Variants in B3GALT2 observed in about 807,000 individuals in gnomAD.
B3GALT2 encodes UDP-Gal:betaGlcNAc beta 1,3-galactosyltransferase, polypeptide 2.
A neutral mutation model predicts 33.5 loss-of-function variants in B3GALT2; 13 were observed. The observed-to-expected ratio is 0.39, with a 90% CI of 0.25 to 0.62. B3GALT2 has a LOEUF of 0.62. Among genes scored for constraint, B3GALT2 ranks in the 20% least tolerant of loss-of-function variants. The probability of loss-of-function intolerance (pLI) is 0.53; values close to 1 mark genes in which losing one functional copy is unlikely to be tolerated. For synonymous variants in B3GALT2, 195 were observed against 172.7 expected (o/e 1.13, Z -1.01); for missense variants, 418 against 509.1 (o/e 0.82, Z 1.72).
At position 193,185,568 on chromosome 1, in the gene B3GALT2, A is replaced by C. The variant is rs1166751101; in HGVS notation, c.-121+451T>G. Among the ~76,000 whole-genome samples, 4 of 152,202 alleles carry C rather than the reference A, an allele frequency of 2.6e-5. No individual in the cohort carries two copies. The East Asian group carries it at 7.7e-4, about 29-fold the overall frequency. On this transcript the variant is annotated intron_variant, in intron 1 of 1. Coordinates refer to ENST00000367434, the MANE Select transcript of B3GALT2 (RefSeq NM_003783.3). Reference sequence around the variant, plus strand: ...TTTTGTTTTAAAAGGACTTTGAAAAAAAAACTCTTAAGGTTTTCCTTGCTA... The same window carrying C: ...TTTTGTTTTAAAAGGACTTTGAAAACAAAACTCTTAAGGTTTTCCTTGCTA...
chr1:193,182,476 G>T (rs1023622196), intron 1 of B3GALT2, among the ~76,000 whole-genome samples: 1 of 152,112 alleles, frequency 6.6e-6, no homozygotes, highest in Non-Finnish European at 1.5e-5. Flanking sequence ...GAGTCTCCAT[G>T]TTAGAATTAA....
In B3GALT2 at chr1:193,180,687, T is replaced by C. The variant is rs779324715; in HGVS notation, c.876A>G (p.Lys292=). 1.9e-6 allele frequency: 3 copies of C among 1,614,086 alleles called. No homozygotes were observed. The highest frequency in any genetic ancestry group is 2.2e-5 in the East Asian group (1 of 44,884). The change falls in exon 2 of 2, where the codon AAA becomes AAG. Residue 292 remains lysine (K), a synonymous_variant. Coordinates refer to ENST00000367434, the MANE Select transcript of B3GALT2 (RefSeq NM_003783.3). ...CTGGTGGCATGTACCACTTGCTATC[T>C]TTGTTTCGATTGGGTGCATATCCTC... ...LMRGYAPNRN[K]DSKWYMPPDL...
chr1:193,182,594 A>G (rs1301365741), intron 1 of B3GALT2, among the ~76,000 whole-genome samples: 7 of 152,124 alleles, frequency 4.6e-5, no homozygotes, highest in Non-Finnish European at 8.8e-5. Context: ...ATAATTTGTT[A>G]AACTTTTAGA....
intron 1 of B3GALT2, among the ~76,000 whole-genome samples, chr1:193,184,276 A>T (rs1483224496): frequency 1.3e-5 from 2 of 151,864 alleles, no homozygotes; most frequent in Non-Finnish European, 2.9e-5. Flanking sequence ...GGTCTTATAA[A>T]TTTTTTTGTT....
intron 1 of B3GALT2, among the ~76,000 whole-genome samples, chr1:193,183,829 A>G (rs868359621): frequency 6.6e-6 from 1 of 151,922 alleles, no homozygotes; most frequent in African/African-American, 2.4e-5. Context: ...AATACTTGGA[A>G]TCTGGTTGAA....
At chr1:193,184,545 A>G (rs1377489272) in intron 1 of B3GALT2, among the ~76,000 whole-genome samples, 1 of 151,880 alleles carries the variant, frequency 6.6e-6, no homozygotes, top group Non-Finnish European at 1.5e-5. Context: ...ATGTTACTGT[A>G]AAATGCTGTT....
At chr1:193,183,144 C>T (rs1379274167) in intron 1 of B3GALT2, among the ~76,000 whole-genome samples, 1 of 151,692 alleles carries the variant, frequency 6.6e-6, no homozygotes, top group East Asian at 1.9e-4. Flanking sequence ...AATTCACATA[C>T]ATAACGTTAA....
chr1:193,183,697 T>C (rs1478864738), intron 1 of B3GALT2, among the ~76,000 whole-genome samples: 1 of 151,824 alleles, frequency 6.6e-6, no homozygotes, highest in Non-Finnish European at 1.5e-5. Flanking sequence ...TTCATAAGGA[T>C]ATCAGTAGAT....
chr1:193,181,370 G>A lies in B3GALT2; in HGVS notation c.193C>T (p.Arg65Ter). The change falls in exon 2 of 2, where the codon CGA becomes TGA. Residue 65 changes from arginine to a stop codon, truncating the protein, a stop_gained. Coordinates refer to ENST00000367434, the MANE Select transcript of B3GALT2 (RefSeq NM_003783.3). LOFTEE classifies it high-confidence loss of function. ...TCACTTTTTGTTGACCGAAATCCTC[G>A]GAAAGTGTATGTCACAGGGTTTTCT... ...FKENPVTYTF[R>*]GFRSTKSETN... 1 of 1,614,006 alleles carries A rather than the reference G, an allele frequency of 6.2e-7. No homozygotes were observed. The highest frequency in any genetic ancestry group is 8.5e-7 in the Non-Finnish European group (1 of 1,179,932).
In B3GALT2 at chr1:193,180,055, A is replaced by G. The variant is rs12410992; in HGVS notation, c.*239T>C. The G allele has an allele frequency of 5.3e-3, 1,709 of 323,766 alleles. 51 individuals carry two copies. The highest frequency in any genetic ancestry group is 0.049 in the East Asian group (966 of 19,558). The allele number at this position is 323,766 out of a possible 1,614,324, so 20.1% of individuals were successfully genotyped here. A position where few individuals can be genotyped will look rare whatever the true frequency, so the allele number is the denominator to read the frequency against. On this transcript the variant is annotated 3_prime_UTR_variant, in exon 2 of 2. Transcript: ENST00000367434. ...TTGATTTATGCATGCTTGTTATTGC[A>G]TGTTAATACACAGAATCTCCTTATA...
intron 1 of B3GALT2, among the ~76,000 whole-genome samples, chr1:193,183,786 A>G (rs1676759789): frequency 6.6e-6 from 1 of 151,924 alleles, no homozygotes; most frequent in Non-Finnish European, 1.5e-5. Flanking sequence ...TAAGTGTTAC[A>G]AAGATAAGTT....
intron 1 of B3GALT2, among the ~76,000 whole-genome samples, chr1:193,182,915 ATTAC>A (rs1676741306): frequency 6.6e-6 from 1 of 152,098 alleles, no homozygotes; most frequent in Non-Finnish European, 1.5e-5. Flanking sequence ...TATTATGAAA[ATTAC>A]TTCTTTAAGC....
At position 193,180,585 on chromosome 1, in the gene B3GALT2, C is replaced by T. The variant is rs763779071; in HGVS notation, c.978G>A (p.Lys326=). 2 of 1,614,096 alleles carry T rather than the reference C, an allele frequency of 1.2e-6. No individual in the cohort carries two copies. The highest frequency in any genetic ancestry group is 1.3e-5 in the African/African-American group (1 of 75,056). The change falls in exon 2 of 2, where the codon AAG becomes AAA. Residue 326 remains lysine (K), a synonymous_variant. Coordinates refer to ENST00000367434, the MANE Select transcript of B3GALT2 (RefSeq NM_003783.3). ...GGATACCTAAAGAAACTTTAAAAATCTTTTCTGCCAGATCTCCAGAAAAAA... is the reference window on the plus strand; with the variant it reads ...GGATACCTAAAGAAACTTTAAAAATTTTTTCTGCCAGATCTCCAGAAAAAA... The part of the protein sequence containing the change: ...GYVFSGDLAE[K]IFKVSLGIRR...
chr1:193,184,648 T>C (rs1676775145), intron 1 of B3GALT2, among the ~76,000 whole-genome samples: 2 of 152,018 alleles, frequency 1.3e-5, no homozygotes, highest in South Asian at 4.1e-4. Flanking sequence ...TACACTTTTG[T>C]TTTGAGATGT....
Position 193,181,697 on chromosome 1 carries a change from C to T in B3GALT2, c.-120-15G>A, listed in dbSNP as rs1676720046. On this transcript the variant is annotated splice_polypyrimidine_tract_variant and intron_variant, in intron 1 of 1. Transcript: ENST00000367434. ...TTGTAGTCATTCTATAAAAATGAAG[C>T]ACAAAAGTTTACAGAACTGCCTGAA... The T allele has an allele frequency of 1.1e-6, 1 of 875,784 alleles. No homozygotes were observed. The highest frequency in any genetic ancestry group is 1.7e-6 in the Non-Finnish European group (1 of 590,522). The allele number at this position is 875,784 out of a possible 1,614,324, so 54.3% of individuals were successfully genotyped here.
rs776044458 is a variant in B3GALT2 at position 193,181,116 on chromosome 1, T to G, written c.447A>C (p.Lys149Asn). The G allele has an allele frequency of 1.5e-5, 24 of 1,613,916 alleles. No individual in the cohort carries two copies. In the South Asian group the frequency reaches 2.6e-4, roughly 18 times the overall value. Residue 149 changes from lysine (K) to asparagine (N), a missense_variant, in exon 2 of 2, where the codon AAA becomes AAC. Physicochemically the swap from Lys to Asn is moderately conservative, Grantham distance 94. Around this residue, in one of 3 missense-constraint regions of B3GALT2, gnomAD observed 188 missense variants for 197.5 expected, o/e 0.95. Transcript: ENST00000367434. ...IINEPEKCQE[K>N]SPFLILLIAA... ...CTATTAGTAGTATTAAAAAAGGACTTTTCTCTTGGCATTTTTCAGGCTCAT... is the reference window on the plus strand; with the variant it reads ...CTATTAGTAGTATTAAAAAAGGACTGTTCTCTTGGCATTTTTCAGGCTCAT...
At chr1:193,184,466 CTCT>C (rs560423859) in intron 1 of B3GALT2, among the ~76,000 whole-genome samples, 115 of 151,992 alleles carry the variant, frequency 7.6e-4, no homozygotes, top group African/African-American at 2.7e-3. Flanking sequence ...TTTGGTTTAT[CTCT>C]TCTTTTTTGA....
In B3GALT2 at chr1:193,181,554, C is replaced by T. The variant is rs375789589; in HGVS notation, c.9G>A (p.Gln3=). The part of the protein sequence containing the change: ML[Q]WRRRHCCFAK... ...CAAAGCAGCAGTGTCTTCTCCTCCA[C>T]TGAAGCATGTTGTAAATATCCAGTA... The change falls in exon 2 of 2, where the codon CAG becomes CAA. Residue 3 remains glutamine (Q), a synonymous_variant. Transcript: ENST00000367434. 3 of 1,584,844 alleles carry T rather than the reference C, an allele frequency of 1.9e-6. No individual in the cohort carries two copies. Among genetic ancestry groups the T allele is most frequent in the Non-Finnish European group, 2.6e-6 (3 of 1,168,570 alleles).
Position 193,184,278 on chromosome 1 carries a change from T to G in B3GALT2, c.-121+1741A>C, listed in dbSNP as rs1184111494. Among the ~76,000 whole-genome samples the G allele has an allele frequency of 3.3e-5, 5 of 152,022 alleles. No individual in the cohort carries two copies. In the South Asian group the frequency reaches 1.0e-3, roughly 31 times the overall value. ...TAAAAGATTCTCAGGTCTTATAAAT[T>G]TTTTTGTTAAAAAGAATATAAAATT... On this transcript the variant is annotated intron_variant, in intron 1 of 1. Transcript: ENST00000367434.
Sources: allele counts gnomAD v4.1 joint callset (sites outside exome capture counted in the v4.1 genomes callset), GRCh38; gene constraint gnomAD v4.1.1; regional missense constraint gnomAD v4.1.1; transcripts MANE v1.5; gene names NCBI Gene and HGNC (gene_info 2026-07-23, HGNC 2026-07-21).